XKR9: variants seen among roughly 807,000 people sequenced by gnomAD.
XKR9 encodes the protein XK-related protein 9.
XKR9 carries 32 observed loss-of-function variants against 32.0 expected under a neutral mutation model. The observed-to-expected ratio is 1.00, with a 90% CI of 0.76 to 1.34. The LOEUF is 1.34. Among genes scored for constraint, XKR9 ranks in the 40% most tolerant of loss-of-function variants. The pLI is 0.00. For synonymous variants in XKR9, 168 were observed against 143.4 expected (o/e 1.17, Z -1.22); for missense variants, 546 against 429.7 (o/e 1.27, Z -2.39).
At chr8:70,690,787 A>T (rs1586818682) in intron 3 of XKR9, among the ~76,000 whole-genome samples, 1 of 152,230 alleles carries the variant, frequency 6.6e-6, no homozygotes, top group East Asian at 1.9e-4. Context: ...ATAATATTCC[A>T]TGGTGTATAT....
chr8:70,984,694 G>C, the XKR9 span, among the ~76,000 whole-genome samples: 46 of 152,260 alleles, frequency 3.0e-4, no homozygotes, highest in African/African-American at 1.1e-3. Flanking sequence ...CCCCCTGACA[G>C]AATCACTGGT....
the XKR9 span, among the ~76,000 whole-genome samples, chr8:70,833,937 A>C: frequency 6.6e-6 from 1 of 152,196 alleles, no homozygotes; most frequent in Admixed American, 6.5e-5. Flanking sequence ...TGAAATAAAA[A>C]ATTTAAAGAT....
the XKR9 span, among the ~76,000 whole-genome samples, chr8:71,028,771 A>C: frequency 6.6e-6 from 1 of 152,208 alleles, no homozygotes; most frequent in African/African-American, 2.4e-5. Context: ...ATTAATAAAA[A>C]ATAAAGGCAA....
intron 2 of XKR9, among the ~76,000 whole-genome samples, chr8:70,785,759 A>T (rs1367024400): frequency 6.8e-6 from 1 of 147,290 alleles, no homozygotes. Context: ...ATATATATGT[A>T]TATATGTGTA....
the XKR9 span, among the ~76,000 whole-genome samples, chr8:71,013,800 C>A: frequency 6.6e-6 from 1 of 152,126 alleles, no homozygotes. Flanking sequence ...AGTCTACATC[C>A]ATGCAGTGAT....
intron 2 of XKR9, among the ~76,000 whole-genome samples, chr8:70,770,104 G>A (rs1807434115): frequency 6.6e-6 from 1 of 152,040 alleles, no homozygotes; most frequent in Non-Finnish European, 1.5e-5. Flanking sequence ...TTAATGCAGA[G>A]GACCTTTGGA....
the XKR9 span, among the ~76,000 whole-genome samples, chr8:70,821,473 A>C: frequency 2.6e-5 from 4 of 152,180 alleles, no homozygotes; most frequent in Non-Finnish European, 5.9e-5. Context: ...GCAGCTCCCC[A>C]GTGGGGACTC....
intron 1 of XKR9, among the ~76,000 whole-genome samples, chr8:70,671,328 CATTTT>C (rs1333799479): frequency 9.4e-5 from 1 of 10,688 alleles, no homozygotes; most frequent in Non-Finnish European, 2.0e-4. Flanking sequence ...GACATGATCT[CATTTT>C]TTTTTTTTTT....
the XKR9 span, among the ~76,000 whole-genome samples, chr8:70,978,748 A>T: frequency 6.6e-6 from 1 of 151,922 alleles, no homozygotes; most frequent in Admixed American, 6.6e-5. Flanking sequence ...TCTGTGTGGT[A>T]TTCTCTGTAT....
At chr8:70,747,996 G>C (rs369193161) in intron 2 of XKR9, among the ~76,000 whole-genome samples, 1 of 152,098 alleles carries the variant, frequency 6.6e-6, no homozygotes, top group East Asian at 1.9e-4. Flanking sequence ...TTCTGTTTTT[G>C]ATATTCTTTC....
the XKR9 span, among the ~76,000 whole-genome samples, chr8:70,922,080 G>A: frequency 6.6e-5 from 10 of 152,162 alleles, no homozygotes; most frequent in Non-Finnish European, 1.3e-4. Context: ...AATGAGTAAA[G>A]ATGTCATGGA....
the XKR9 span, among the ~76,000 whole-genome samples, chr8:70,993,974 C>G: frequency 6.6e-6 from 1 of 152,240 alleles, no homozygotes; most frequent in Non-Finnish European, 1.5e-5. Flanking sequence ...TCAAAATATG[C>G]CAAATAAATA....
chr8:70,925,762 C>A, the XKR9 span, among the ~76,000 whole-genome samples: 4 of 151,932 alleles, frequency 2.6e-5, no homozygotes, highest in Non-Finnish European at 5.9e-5. Flanking sequence ...CAAAGGAAAT[C>A]CAGAAGAGGT....
At chr8:71,024,661 TA>T in the XKR9 span, among the ~76,000 whole-genome samples, 2 of 152,152 alleles carry the variant, frequency 1.3e-5, no homozygotes, top group African/African-American at 4.8e-5. Context: ...CTCTCATGGC[TA>T]GGATTACAAG....
chr8:70,683,305 C>G (rs2132115342), intron 3 of XKR9, among the ~76,000 whole-genome samples: 1 of 152,244 alleles, frequency 6.6e-6, no homozygotes, highest in East Asian at 1.9e-4. Flanking sequence ...TTGCTATGCT[C>G]CCAACTAATA....
the XKR9 span, among the ~76,000 whole-genome samples, chr8:71,046,274 A>G: frequency 6.6e-6 from 1 of 152,208 alleles, no homozygotes; most frequent in Non-Finnish European, 1.5e-5. Context: ...TTTCTTCCCA[A>G]CAGCCGATAT....
At chr8:70,905,024 T>A in the XKR9 span, among the ~76,000 whole-genome samples, 1 of 152,154 alleles carries the variant, frequency 6.6e-6, no homozygotes, top group South Asian at 2.1e-4. Flanking sequence ...TTGTGGGTAA[T>A]TCGACCTTTC....
chr8:70,971,177 A>G, the XKR9 span, among the ~76,000 whole-genome samples: 1 of 152,178 alleles, frequency 6.6e-6, no homozygotes, highest in African/African-American at 2.4e-5. Flanking sequence ...GTGAAGTGGT[A>G]TCGCATAGTG....
the XKR9 span, among the ~76,000 whole-genome samples, chr8:70,960,511 A>G: frequency 6.6e-6 from 1 of 152,150 alleles, no homozygotes; most frequent in Admixed American, 6.6e-5. Context: ...ATCCATTTGA[A>G]AAGAAGTACT....
Sources: gnomAD v4.1 joint callset for allele counts (sites outside exome capture counted in the v4.1 genomes callset) on GRCh38, gnomAD v4.1.1 for gene constraint, MANE v1.5 for transcripts, NCBI Gene and HGNC (gene_info 2026-07-23, HGNC 2026-07-21) for gene names.